TRAK2: variants seen among roughly 807,000 people sequenced by gnomAD.
TRAK2 encodes the protein trafficking kinesin protein 2.
Under a neutral mutation model 104.6 loss-of-function variants are expected in TRAK2, and 81 were observed. The ratio of observed to expected loss-of-function variants is 0.77; its 90% CI spans 0.65 to 0.93. The LOEUF (loss-of-function observed/expected upper bound fraction) is 0.93. Among genes scored for constraint, TRAK2 ranks in the 40% least tolerant of loss-of-function variants. The pLI is 0.00. For missense variants in TRAK2, 1,002 were observed against 1,089.0 expected (o/e 0.92, Z 1.12); for synonymous variants, 406 against 394.4 (o/e 1.03, Z -0.35).
intron 2 of TRAK2, among the ~76,000 whole-genome samples, chr2:201,418,226 C>A (rs1157549121): frequency 6.6e-6 from 1 of 152,166 alleles, no homozygotes; most frequent in Non-Finnish European, 1.5e-5. Context: ...GTTATTCAGG[C>A]TGGAGTGCAA....
In TRAK2 at chr2:201,420,709, A is replaced by G; in HGVS notation, c.-199-3T>C. On this transcript the variant is annotated splice_polypyrimidine_tract_variant and splice_region_variant and intron_variant, in intron 1 of 15. Coordinates refer to ENST00000332624, the MANE Select transcript of TRAK2 (RefSeq NM_015049.3). ...ATCATACTTTGGACAGTCATGACCT[A>G]AAACAAAAACATCAAGTGACTAGAA... 1 of 476,396 alleles carries G rather than the reference A, an allele frequency of 2.1e-6. No individual in the cohort carries two copies. The highest frequency in any genetic ancestry group is 3.8e-6 in the Non-Finnish European group (1 of 265,234). The allele number at this position is 476,396 out of a possible 1,614,324, so 29.5% of individuals were successfully genotyped here.
chr2:201,423,038 CA>C (rs1951756449), intron 1 of TRAK2, among the ~76,000 whole-genome samples: 2 of 8,730 alleles, frequency 2.3e-4, no homozygotes, highest in Admixed American at 2.7e-3. Flanking sequence ...ACACCACCAC[CA>C]CACACACACA....
chr2:201,389,592 A>C (rs570262846), intron 11 of TRAK2, 89 bp from the exon 12 acceptor site: 21 of 1,277,904 alleles, frequency 1.6e-5, no homozygotes, highest in South Asian at 1.6e-4. Context: ...TCAGAAATAA[A>C]GCCACCCTGA....
chr2:201,378,341 G>A lies in TRAK2; in HGVS notation c.*2202C>T, dbSNP rs780731820. The stretch of plus-strand genomic sequence containing the variant: ...ACAAATTATACTCAATACAGAGCAC[G>A]GCAAGATCTAGTTCAATTTATAGCT... On this transcript the variant is annotated 3_prime_UTR_variant, in exon 16 of 16. Coordinates refer to ENST00000332624, the MANE Select transcript of TRAK2 (RefSeq NM_015049.3). 4.6e-5 allele frequency: 7 copies of A among 152,056 alleles called. No individual in the cohort carries two copies. Among genetic ancestry groups the A allele is most frequent in the African/African-American group, 1.5e-4 (6 of 41,374 alleles). The allele number at this position is 152,056 out of a possible 1,614,324, so 9.4% of individuals were successfully genotyped here.
intron 4 of TRAK2, among the ~76,000 whole-genome samples, chr2:201,400,543 C>A (rs1364080945): frequency 6.6e-6 from 1 of 151,888 alleles, no homozygotes; most frequent in Non-Finnish European, 1.5e-5. Context: ...CAAAGGGAGA[C>A]CTCTACTGAT....
Position 201,412,961 on chromosome 2 carries a change from C to CA in TRAK2, c.92-5365dup, listed in dbSNP as rs1951660874. 19 of 772,796 alleles carry CA rather than the reference C, an allele frequency of 2.5e-5. No homozygotes were observed. In the East Asian group the frequency reaches 4.6e-4, roughly 19 times the overall value. 47.9% of individuals were successfully genotyped at this position (772,796 alleles called of 1,614,324 possible). ...AAACTGGCAAAAAACTGGTTCTGTACACAACACCAAGCAATCCCTGGATTC... is the reference window on the plus strand; with the variant it reads ...AAACTGGCAAAAAACTGGTTCTGTACAACAACACCAAGCAATCCCTGGATTC... On this transcript the variant is annotated intron_variant, in intron 2 of 15. Transcript: ENST00000332624.
intron 2 of TRAK2, chr2:201,413,359 G>C: frequency 1.3e-6 from 1 of 766,796 alleles, no homozygotes; most frequent in Non-Finnish European, 2.1e-6. Flanking sequence ...CTTCCAGGAG[G>C]GGCAGAACTG....
chr2:201,428,992 T>A (rs1369373746), intron 1 of TRAK2, among the ~76,000 whole-genome samples: 1 of 152,252 alleles, frequency 6.6e-6, no homozygotes, highest in African/African-American at 2.4e-5. Flanking sequence ...TGTATAGGAA[T>A]GCTTGTGATT....
rs762067126 is a variant in TRAK2 at position 201,380,872 on chromosome 2, G to A, written c.2416C>T (p.Arg806Ter). 6 of 1,614,030 alleles carry A rather than the reference G, an allele frequency of 3.7e-6. No individual in the cohort carries two copies. The highest frequency in any genetic ancestry group is 1.7e-5 in the Admixed American group (1 of 59,996). ...VHLSENFLAS[R>*]PAETFLQEMY... The stretch of plus-strand genomic sequence containing the variant: ...TCCTGGAGGAATGTCTCAGCTGGTC[G>A]AGAGGCCAAAAAATTTTCAGAGAGA... The change falls in exon 16 of 16, where the codon CGA (arginine) becomes TGA (stop). Residue 806 changes from arginine to a stop codon, truncating the protein, a stop_gained. Transcript: ENST00000332624. LOFTEE classifies it high-confidence loss of function.
intron 1 of TRAK2, among the ~76,000 whole-genome samples, chr2:201,436,203 A>C (rs1316718998): frequency 6.6e-6 from 1 of 152,196 alleles, no homozygotes; most frequent in Non-Finnish European, 1.5e-5. Context: ...AGTAAATGGC[A>C]TCATAGAATT....
At chr2:201,420,089 T>C (rs1332568267) in intron 2 of TRAK2, among the ~76,000 whole-genome samples, 2 of 152,170 alleles carry the variant, frequency 1.3e-5, no homozygotes, top group Non-Finnish European at 1.5e-5. Context: ...GTGCCAGGCA[T>C]TGTTGTTAGG....
intron 5 of TRAK2, among the ~76,000 whole-genome samples, chr2:201,398,761 G>A (rs1469391090): frequency 6.6e-6 from 1 of 152,130 alleles, no homozygotes. Context: ...GTAATTTTAA[G>A]ATGTATATCA....
At chr2:201,403,849 TTAGA>T (rs1951570508) in intron 3 of TRAK2, among the ~76,000 whole-genome samples, 3 of 151,952 alleles carry the variant, frequency 2.0e-5, no homozygotes, top group Admixed American at 1.3e-4. Flanking sequence ...GGCAAAAAAG[TTAGA>T]TAGTGCAATC....
At chr2:201,424,238 C>T (rs1951766972) in intron 1 of TRAK2, among the ~76,000 whole-genome samples, 1 of 152,146 alleles carries the variant, frequency 6.6e-6, no homozygotes. Flanking sequence ...CCTCTGCCAA[C>T]CAAGAAGGGG....
At position 201,380,906 on chromosome 2, in the gene TRAK2, A is replaced by G. The variant is rs758021884; in HGVS notation, c.2382T>C (p.Pro794=). ...AAAAATTTTCAGAGAGATGCACTCG[A>G]GGCTCAAAGGGTAAAGGAGAAGGGC... The part of the protein sequence containing the change: ...SPCPSPLPFE[P]RVHLSENFLA... The change falls in exon 16 of 16, where the codon CCT becomes CCC. Residue 794 remains proline (P), a synonymous_variant. Transcript: ENST00000332624. 1.9e-6 allele frequency: 3 copies of G among 1,613,966 alleles called. No individual in the cohort carries two copies. Among genetic ancestry groups the G allele is most frequent in the Non-Finnish European group, 1.7e-6 (2 of 1,180,006 alleles).
intron 1 of TRAK2, among the ~76,000 whole-genome samples, chr2:201,421,224 G>C (rs900942959): frequency 3.9e-5 from 6 of 152,088 alleles, no homozygotes; most frequent in African/African-American, 7.2e-5. Context: ...AGGCCAGAAG[G>C]GGGGAAATGG....
At position 201,407,466 on chromosome 2, in the gene TRAK2, G is replaced by A; in HGVS notation, c.223C>T (p.Gln75Ter). The A allele has an allele frequency of 6.2e-7, 1 of 1,614,102 alleles. No homozygotes were observed. Among genetic ancestry groups the A allele is most frequent in the East Asian group, 2.2e-5 (1 of 44,882 alleles). The change falls in exon 3 of 16, where the codon CAG becomes TAG. Residue 75 changes from glutamine (Q) to a stop codon, truncating the protein, a stop_gained. Transcript: ENST00000332624. LOFTEE classifies it high-confidence loss of function. ...AGAGCATCAGATGCATGCTGCCGCT[G>A]GTGTGGAGACTGAGTCCAGTCTTGA... Reference protein sequence around the residue: ...ENQDWTQSPHQRQHASDALSP... With the variant: ...ENQDWTQSPH
intron 2 of TRAK2, chr2:201,412,258 A>G (rs1951653706): frequency 1.9e-6 from 2 of 1,078,864 alleles, no homozygotes; most frequent in South Asian, 2.5e-5. Flanking sequence ...TCCGTTGAAA[A>G]ACTGTGATTT....
At chr2:201,421,743 CCT>C (rs1314384083) in intron 1 of TRAK2, among the ~76,000 whole-genome samples, 1 of 151,790 alleles carries the variant, frequency 6.6e-6, no homozygotes, top group Non-Finnish European at 1.5e-5. Flanking sequence ...ACTCTTATAC[CCT>C]GTTGATAAAA....
Sources: allele counts gnomAD v4.1 joint callset (sites outside exome capture counted in the v4.1 genomes callset), GRCh38; gene constraint gnomAD v4.1.1; transcripts MANE v1.5; gene names NCBI Gene and HGNC (gene_info 2026-07-23, HGNC 2026-07-21).